Variants in PHF11 observed in about 807,000 individuals in gnomAD.
PHF11 encodes PHD finger protein 11.
A neutral mutation model predicts 40.5 loss-of-function variants in PHF11; 38 were observed. The observed-to-expected ratio is 0.94, with a 90% CI of 0.72 to 1.23. The LOEUF is 1.23. Ranked by LOEUF, PHF11 falls within the 50% of genes most tolerant of loss-of-function variation. PHF11 has a pLI of 0.00. For missense variants in PHF11, 369 were observed against 392.4 expected (o/e 0.94, Z 0.50); for synonymous variants, 127 against 138.2 (o/e 0.92, Z 0.57).
intron 5 of PHF11, chr13:49,521,479 G>A (rs572558705): frequency 3.0e-5 from 30 of 986,294 alleles, no homozygotes; most frequent in African/African-American, 2.1e-4. Flanking sequence ...TTCGTTCTGC[G>A]TCATGCCAAC....
At chr13:49,514,359 G>C (rs1959121313) in intron 3 of PHF11, among the ~76,000 whole-genome samples, 1 of 152,204 alleles carries the variant, frequency 6.6e-6, no homozygotes, top group African/African-American at 2.4e-5. Context: ...AATGGAAAGT[G>C]CAGGGTGAAA....
chr13:49,498,752 G>C (rs942004173), intron 1 of PHF11, among the ~76,000 whole-genome samples: 1 of 152,196 alleles, frequency 6.6e-6, no homozygotes, highest in South Asian at 2.1e-4. Flanking sequence ...GAATAGACTA[G>C]GTGAAAGACC....
intron 1 of PHF11, among the ~76,000 whole-genome samples, chr13:49,500,754 G>T (rs553105881): frequency 3.2e-4 from 48 of 152,078 alleles, no homozygotes; most frequent in African/African-American, 1.1e-3. Context: ...TATCTGTCTT[G>T]TCTGTCTTGT....
intron 1 of PHF11, among the ~76,000 whole-genome samples, chr13:49,504,576 C>A (rs1351637274): frequency 1.5e-4 from 19 of 128,788 alleles, no homozygotes; most frequent in South Asian, 5.0e-4. Flanking sequence ...CCAGCCGCCC[C>A]GTCCGGGAGG....
chr13:49,522,536 C>A (rs1479881743), intron 6 of PHF11, among the ~76,000 whole-genome samples: 1 of 148,006 alleles, frequency 6.8e-6, no homozygotes, highest in African/African-American at 2.5e-5. Context: ...CCACACCTGA[C>A]CAAATCTGTA....
At chr13:49,509,973 T>G (rs1197290688) in intron 2 of PHF11, among the ~76,000 whole-genome samples, 2 of 152,194 alleles carry the variant, frequency 1.3e-5, no homozygotes, top group African/African-American at 2.4e-5. Flanking sequence ...CTACCGTCTA[T>G]TCCTCAAACC....
At position 49,522,064 on chromosome 13, in the gene PHF11, G is replaced by C; in HGVS notation, c.527G>C (p.Arg176Thr). ...TTAGCTAAATTTTCAGGAGTGAAAA[G>C]AAAAAGAGGAAGGAAGAAACCCCTC... ...AQSAKFSGVK[R>T]KRGRKKPLSG... The change falls in exon 6 of 10, where the codon AGA becomes ACA. Residue 176 changes from arginine to threonine, a missense_variant. Coordinates refer to ENST00000378319, the MANE Select transcript of PHF11 (RefSeq NM_001040443.3). 6.5e-7 allele frequency: 1 copy of C among 1,549,618 alleles called. No individual in the cohort carries two copies. Among genetic ancestry groups the C allele is most frequent in the South Asian group, 1.1e-5 (1 of 88,700 alleles).
chr13:49,521,943 CTT>C, intron 5 of PHF11, 98 bp from the exon 6 acceptor site: 4 of 579,000 alleles, frequency 6.9e-6, no homozygotes, highest in Non-Finnish European at 1.2e-5. Context: ...TATCTTTTGA[CTT>C]TGTAAAAACT....
At chr13:49,498,140 C>T (rs560581130) in intron 1 of PHF11, among the ~76,000 whole-genome samples, 26 of 152,312 alleles carry the variant, frequency 1.7e-4, no homozygotes, top group African/African-American at 6.3e-4. Context: ...ATCCTTAGTG[C>T]CTAGACTGGT....
chr13:49,496,147 G>T (rs560232099), intron 1 of PHF11, 52 bp downstream of exon 1: 10,956 of 1,038,136 alleles, frequency 0.011, 108 homozygotes, highest in Middle Eastern at 0.025. Context: ...GCAGCGACGG[G>T]CCCGGTCAAG....
At chr13:49,526,210 G>T in intron 8 of PHF11, 177 bp from the exon 9 acceptor site, 1 of 517,846 alleles carries the variant, frequency 1.9e-6, no homozygotes, top group Non-Finnish European at 3.4e-6. Flanking sequence ...GAAATGCCAA[G>T]AATTACATTT....
intron 9 of PHF11, among the ~76,000 whole-genome samples, chr13:49,528,197 G>A (rs1959395517): frequency 6.6e-6 from 1 of 152,226 alleles, no homozygotes; most frequent in Non-Finnish European, 1.5e-5. Flanking sequence ...AGTATAGCAT[G>A]AAGGTTATAC....
chr13:49,516,194 A>C (rs1347105754), intron 3 of PHF11, among the ~76,000 whole-genome samples: 1 of 152,114 alleles, frequency 6.6e-6, no homozygotes, highest in Non-Finnish European at 1.5e-5. Flanking sequence ...TTAATTCGAT[A>C]TAATGTGTAT....
chr13:49,501,022 T>TTTTTTTTTTTC (rs1958899434), intron 1 of PHF11, among the ~76,000 whole-genome samples: 1 of 146,562 alleles, frequency 6.8e-6, no homozygotes, highest in South Asian at 2.2e-4. Context: ...TTTTGGTTTT[T>TTTTTTTTTTTC]TTTTTTCTGA....
At chr13:49,500,616 A>G (rs6561528) in intron 1 of PHF11, among the ~76,000 whole-genome samples, 110,153 of 151,566 alleles carry the variant, frequency 0.73, 40,925 homozygotes, top group African/African-American at 0.87. Context: ...AAATCCATTA[A>G]GACACTGTGA....
chr13:49,523,435 G>A (rs1959201225), intron 7 of PHF11, 194 bp downstream of exon 7: 1 of 585,670 alleles, frequency 1.7e-6, no homozygotes, highest in South Asian at 2.2e-5. Context: ...AGGTTGGAAT[G>A]GTCCATTGCA....
intron 8 of PHF11, 84 bp downstream of exon 8, chr13:49,524,300 A>AG: frequency 8.8e-7 from 1 of 1,130,926 alleles, no homozygotes; most frequent in Non-Finnish European, 1.3e-6. Flanking sequence ...GAAAAAAAAA[A>AG]AGGCCCATTT....
chr13:49,527,566 T>C (rs1160213840), intron 9 of PHF11, among the ~76,000 whole-genome samples: 2 of 152,244 alleles, frequency 1.3e-5, no homozygotes, highest in African/African-American at 4.8e-5. Flanking sequence ...TTGAAAAATC[T>C]ACCAAAAAGA....
At chr13:49,526,051 C>T (rs1959256156) in intron 8 of PHF11, 3 of 334,700 alleles carry the variant, frequency 9.0e-6, no homozygotes, top group African/African-American at 2.2e-5. Context: ...CGCCTGCAAT[C>T]CCAACTACTT....
Sources: gnomAD v4.1 joint callset for allele counts (sites outside exome capture counted in the v4.1 genomes callset) on GRCh38, gnomAD v4.1.1 for gene constraint, MANE v1.5 for transcripts, NCBI Gene and HGNC (gene_info 2026-07-23, HGNC 2026-07-21) for gene names.